Variants in ADAT2 observed in about 807,000 individuals in gnomAD.
ADAT2 encodes adenosine deaminase tRNA specific 2.
A neutral mutation model predicts 25.9 loss-of-function variants in ADAT2; 26 were observed. The observed-to-expected ratio is 1.00, with a 90% CI of 0.74 to 1.39. The LOEUF (loss-of-function observed/expected upper bound fraction) is 1.39, where lower values mean the gene tolerates loss of function less well. ADAT2 is among the 40% of genes most tolerant of loss of function. ADAT2 has a pLI of 0.00. For synonymous variants in ADAT2, 76 were observed against 86.8 expected (o/e 0.88, Z 0.69); for missense variants, 220 against 244.8 (o/e 0.90, Z 0.68).
intron 1 of ADAT2, chr6:143,441,943 C>T (rs893794045): frequency 2.6e-5 from 4 of 152,178 alleles, no homozygotes; most frequent in Non-Finnish European, 5.9e-5. Context: ...TACTCATATA[C>T]TGCTGGTCGG....
Position 143,444,833 on chromosome 6 carries a change from G to A in ADAT2, c.96+5730C>T. On this transcript the variant is annotated intron_variant, in intron 1 of 5. Coordinates refer to ENST00000237283, the MANE Select transcript of ADAT2 (RefSeq NM_182503.3). This position sits in a 1 kb window ranked among gnomAD's most constrained non-coding sequence, Gnocchi z 4.3. ...AGATAATGAAAGCACCTAGATGGAA[G>A]AGACTTCGTAGTTTATTATTTTCTC... is the stretch of plus-strand genomic sequence containing the variant. The A allele has an allele frequency of 1.1e-6, 1 of 932,832 alleles. No individual in the cohort carries two copies. Among genetic ancestry groups the A allele is most frequent in the Non-Finnish European group, 1.4e-6 (1 of 692,816 alleles). 57.8% of individuals were successfully genotyped at this position (932,832 alleles called of 1,614,324 possible).
chr6:143,433,355 A>G (rs759659132), intron 3 of ADAT2, among the ~76,000 whole-genome samples: 8 of 152,204 alleles, frequency 5.3e-5, no homozygotes, highest in Non-Finnish European at 1.2e-4. Flanking sequence ...TACAATCAGA[A>G]TATCATAAAG....
rs930750067 is a variant in ADAT2, at chr6:143,437,132, T to G, written c.201+1458A>C. 4.6e-5 allele frequency among the ~76,000 whole-genome samples: 7 copies of G among 152,194 alleles called. No individual in the cohort carries two copies. The highest frequency in any genetic ancestry group is 8.8e-5 in the Non-Finnish European group (6 of 68,022). ...TTTCTATGCAGTGAACATGGTTATA[T>G]ATAAATCTGAATTGTCCAACTACTT... On this transcript the variant is annotated intron_variant, in intron 2 of 5. Transcript: ENST00000237283. This position sits in a 1 kb window ranked among gnomAD's most constrained non-coding sequence, Gnocchi z 4.1.
At position 143,426,689 on chromosome 6, in the gene ADAT2, A is replaced by G. The variant is rs1778943725; in HGVS notation, c.*1774T>C. ...CTCTGGGCTAGAATGCTCATATACT[A>G]TTTTCGGCTTTGGCTTTTTGTCCTA... On this transcript the variant is annotated 3_prime_UTR_variant, in exon 6 of 6. Coordinates refer to ENST00000237283, the MANE Select transcript of ADAT2 (RefSeq NM_182503.3). The surrounding 1 kb of genome is among the most constrained non-coding windows in gnomAD (Gnocchi z 4.1). The G allele has an allele frequency of 6.6e-6, 1 of 151,970 alleles. No individual in the cohort carries two copies. Among genetic ancestry groups the G allele is most frequent in the Non-Finnish European group, 1.5e-5 (1 of 68,006 alleles). 9.4% of individuals were successfully genotyped at this position (151,970 alleles called of 1,614,324 possible).
In ADAT2 at chr6:143,446,053, G is replaced by C. The variant is rs1400254265; in HGVS notation, c.96+4510C>G. 7.1e-6 allele frequency among the ~76,000 whole-genome samples: 1 copy of C among 141,666 alleles called. No homozygotes were observed. The highest frequency in any genetic ancestry group is 2.0e-4 in the East Asian group (1 of 4,952). The allele number at this position is 141,666 out of a possible 152,430, so 92.9% of individuals were successfully genotyped here. A position where few individuals can be genotyped will look rare whatever the true frequency, so the allele number is the denominator to read the frequency against. ...ATGTGTTCAAGGTGGAGAACTTAGC[G>C]ATTAAAAAAAAAAAACCTCATGTAT... On this transcript the variant is annotated intron_variant, in intron 1 of 5. Transcript: ENST00000237283. The surrounding 1 kb of genome is among the most constrained non-coding windows in gnomAD (Gnocchi z 5.0).
intron 1 of ADAT2, among the ~76,000 whole-genome samples, chr6:143,438,965 CTG>C (rs1201600777): frequency 6.6e-6 from 1 of 152,176 alleles, no homozygotes; most frequent in Non-Finnish European, 1.5e-5. Flanking sequence ...TCAAAGGAGA[CTG>C]TGACTGACCA....
chr6:143,431,174 A>C (rs1316789676), intron 4 of ADAT2, among the ~76,000 whole-genome samples: 1 of 152,258 alleles, frequency 6.6e-6, no homozygotes, highest in East Asian at 1.9e-4. Context: ...GCTGCAAGCC[A>C]CAGGCATTGA....
chr6:143,426,740 C>A lies in ADAT2; in HGVS notation c.*1723G>T, dbSNP rs1041476009. 1 of 152,080 alleles carries A rather than the reference C, an allele frequency of 6.6e-6. No homozygotes were observed. Among genetic ancestry groups the A allele is most frequent in the African/African-American group, 2.4e-5 (1 of 41,404 alleles). The allele number at this position is 152,080 out of a possible 1,614,324, so 9.4% of individuals were successfully genotyped here. A position where few individuals can be genotyped will look rare whatever the true frequency, so the allele number is the denominator to read the frequency against. On this transcript the variant is annotated 3_prime_UTR_variant, in exon 6 of 6. Coordinates refer to ENST00000237283, the MANE Select transcript of ADAT2 (RefSeq NM_182503.3). This position sits in a 1 kb window ranked among gnomAD's most constrained non-coding sequence, Gnocchi z 4.1. ...GATAGTCTTCTTATTCACTTTTCCC[C>A]AAATTTCAATCAGTAATTTCATTTA...
chr6:143,446,056 TAAAAAAAA>T lies in ADAT2; in HGVS notation c.96+4499_96+4506del. ...TGTTCAAGGTGGAGAACTTAGCGAT[TAAAAAAAA>T]AAAACCTCATGTATCAAAAAAAAAA... On this transcript the variant is annotated intron_variant, in intron 1 of 5. Transcript: ENST00000237283. This position sits in a 1 kb window ranked among gnomAD's most constrained non-coding sequence, Gnocchi z 5.0. 1.5e-5 allele frequency among the ~76,000 whole-genome samples: 2 copies of T among 136,852 alleles called. No individual in the cohort carries two copies. The highest frequency in any genetic ancestry group is 5.4e-5 in the African/African-American group (2 of 37,338). The allele number at this position is 136,852 out of a possible 152,430, so 89.8% of individuals were successfully genotyped here. A position where few individuals can be genotyped will look rare whatever the true frequency, so the allele number is the denominator to read the frequency against.
At position 143,442,277 on chromosome 6, in the gene ADAT2, G is replaced by A. The variant is rs1157235917; in HGVS notation, c.97-3583C>T. Among the ~76,000 whole-genome samples, 1 of 152,116 alleles carries A rather than the reference G, an allele frequency of 6.6e-6. No individual in the cohort carries two copies. The highest frequency in any genetic ancestry group is 6.6e-5 in the Admixed American group (1 of 15,266). On this transcript the variant is annotated intron_variant, in intron 1 of 5. Coordinates refer to ENST00000237283, the MANE Select transcript of ADAT2 (RefSeq NM_182503.3). The surrounding 1 kb of genome is among the most constrained non-coding windows in gnomAD (Gnocchi z 4.6). ...TCAACAACTTGGATGGATCTCATGG[G>A]AATCATGCTGAATGGAGAAAGCCAA...
rs1779280455 is a variant in ADAT2, at chr6:143,436,353, G to A, written c.201+2237C>T. On this transcript the variant is annotated intron_variant, in intron 2 of 5. Coordinates refer to ENST00000237283, the MANE Select transcript of ADAT2 (RefSeq NM_182503.3). This position sits in a 1 kb window ranked among gnomAD's most constrained non-coding sequence, Gnocchi z 4.1. ...GCTGGATGTCCATGAGGGAGGTAGA[G>A]GAGAAAATGCTTCATGTCCAAACCA... The A allele has an allele frequency of 3.9e-6, 1 of 258,386 alleles. No individual in the cohort carries two copies. Among genetic ancestry groups the A allele is most frequent in the Non-Finnish European group, 7.9e-6 (1 of 127,006 alleles). The allele number at this position is 258,386 out of a possible 1,614,324, so 16.0% of individuals were successfully genotyped here.
In ADAT2 at chr6:143,433,819, G is replaced by A. The variant is rs1042600524; in HGVS notation, c.352+12C>T. On this transcript the variant is annotated intron_variant, in intron 3 of 5. Coordinates refer to ENST00000237283, the MANE Select transcript of ADAT2 (RefSeq NM_182503.3). ...ATGGTACGATACATTAACTCATGAAGTCAAAGGATACTCATCAGGCGGAGA... is the reference window on the plus strand; with the variant it reads ...ATGGTACGATACATTAACTCATGAAATCAAAGGATACTCATCAGGCGGAGA... 6.2e-7 allele frequency: 1 copy of A among 1,613,028 alleles called. No homozygotes were observed. Among genetic ancestry groups the A allele is most frequent in the East Asian group, 2.2e-5 (1 of 44,866 alleles).
At chr6:143,429,662 C>T (rs935118681) in intron 4 of ADAT2, among the ~76,000 whole-genome samples, 24 of 152,120 alleles carry the variant, frequency 1.6e-4, no homozygotes, top group Admixed American at 1.4e-3. Context: ...AAAATATGTA[C>T]GGCTTTGAAA....
At chr6:143,447,262 A>G (rs1299654121) in intron 1 of ADAT2, among the ~76,000 whole-genome samples, 1 of 152,200 alleles carries the variant, frequency 6.6e-6, no homozygotes, top group Non-Finnish European at 1.5e-5. Flanking sequence ...ACTTAAATAG[A>G]CACATGTGGT....
At position 143,426,313 on chromosome 6, in the gene ADAT2, T is replaced by C. The variant is rs1455479929; in HGVS notation, c.*2150A>G. On this transcript the variant is annotated 3_prime_UTR_variant, in exon 6 of 6. Transcript: ENST00000237283. This position sits in a 1 kb window ranked among gnomAD's most constrained non-coding sequence, Gnocchi z 4.1. Reference sequence around the variant, plus strand: ...TATATCCATAATTCCTCACTGTCACTTGGAAATTGCTAGCAGAATTCCATA... The same window carrying C: ...TATATCCATAATTCCTCACTGTCACCTGGAAATTGCTAGCAGAATTCCATA... The C allele has an allele frequency of 6.6e-6, 1 of 152,204 alleles. No individual in the cohort carries two copies. Among genetic ancestry groups the C allele is most frequent in the East Asian group, 1.9e-4 (1 of 5,190 alleles). The allele number at this position is 152,204 out of a possible 1,614,324, so 9.4% of individuals were successfully genotyped here.
chr6:143,439,478 C>G (rs1450855306), intron 1 of ADAT2, among the ~76,000 whole-genome samples: 1 of 152,054 alleles, frequency 6.6e-6, no homozygotes, highest in African/African-American at 2.4e-5. Flanking sequence ...AAACTGTGTC[C>G]TATTCATATA....
chr6:143,441,993 A>T (rs773717713), intron 1 of ADAT2: 4 of 152,244 alleles, frequency 2.6e-5, no homozygotes, highest in Non-Finnish European at 5.9e-5. Flanking sequence ...ATAGTTTGGC[A>T]GTTTCTTAAA....
chr6:143,441,930 T>C (rs1202591487), intron 1 of ADAT2: 2 of 152,226 alleles, frequency 1.3e-5, no homozygotes, highest in African/African-American at 4.8e-5. Context: ...GGAGAAGTGA[T>C]ATTACTCATA....
At chr6:143,430,488 A>C (rs9496623) in intron 4 of ADAT2, among the ~76,000 whole-genome samples, 1 of 151,874 alleles carries the variant, frequency 6.6e-6, no homozygotes, top group Non-Finnish European at 1.5e-5. Flanking sequence ...CTAACACACC[A>C]ATATAATATA....
Sources: gnomAD v4.1 joint callset for allele counts (sites outside exome capture counted in the v4.1 genomes callset) on GRCh38, gnomAD v4.1.1 for gene constraint, Gnocchi (gnomAD v3.1) non-coding constraint, MANE v1.5 for transcripts, NCBI Gene and HGNC (gene_info 2026-07-23, HGNC 2026-07-21) for gene names.